The following PTPRD variants were observed in gnomAD, a reference collection of about 807,000 sequenced individuals.
PTPRD encodes protein tyrosine phosphatase receptor type D.
Under a neutral mutation model 214.5 loss-of-function variants are expected in PTPRD, and 34 were observed. That is an observed-to-expected ratio of 0.16 (90% CI 0.12 to 0.21). The LOEUF (loss-of-function observed/expected upper bound fraction) is 0.21. Ranked by LOEUF, PTPRD falls within the 10% of genes least tolerant of loss-of-function variation. The pLI, the probability that PTPRD is intolerant of heterozygous loss-of-function variation, is 1.00. For missense variants in PTPRD, 2,545 were observed against 2,398.7 expected, an observed-to-expected ratio of 1.06 and a Z score of -1.27; for synonymous variants, 1,128 against 845.7, an observed-to-expected ratio of 1.33 and a Z score of -5.79.
intron 5 of PTPRD, among the ~76,000 whole-genome samples, chr9:9,779,530 T>C (rs898790920): frequency 7.9e-5 from 12 of 151,920 alleles, no homozygotes; most frequent in Admixed American, 7.9e-4. Flanking sequence ...TAACTTTATT[T>C]AAAAAAATGG....
chr9:10,304,969 G>A (rs541682291), intron 3 of PTPRD, among the ~76,000 whole-genome samples: 6 of 152,092 alleles, frequency 3.9e-5, no homozygotes, highest in East Asian at 1.9e-4. Context: ...TAAGCAAAGA[G>A]AACAAAGCTG....
intron 24 of PTPRD, among the ~76,000 whole-genome samples, 196 bp downstream of exon 24, chr9:8,500,558 G>GAAAAAAAAAAAAAAAAAAAAAAAA (rs146807692): frequency 2.1e-4 from 3 of 14,308 alleles, no homozygotes; most frequent in African/African-American, 3.1e-4. Context: ...TGAAAAAAAT[G>GAAAAAAAAAAAAAAAAAAAAAAAA]AAAAAAAAAA....
chr9:8,345,291 A>G (rs1856511233), intron 39 of PTPRD, among the ~76,000 whole-genome samples: 4 of 152,056 alleles, frequency 2.6e-5, no homozygotes, highest in Admixed American at 2.6e-4. Flanking sequence ...GAAGTCCTAC[A>G]GTCATGCACG....
intron 12 of PTPRD, among the ~76,000 whole-genome samples, chr9:8,681,789 A>C (rs1264541451): frequency 1.3e-5 from 2 of 152,224 alleles, no homozygotes; most frequent in Non-Finnish European, 2.9e-5. Flanking sequence ...TATTGTTTCT[A>C]GCAAACTACT....
At chr9:9,170,155 C>G (rs1316514806) in intron 10 of PTPRD, among the ~76,000 whole-genome samples, 1 of 152,088 alleles carries the variant, frequency 6.6e-6, no homozygotes, top group African/African-American at 2.4e-5. Context: ...AAAATTGGAT[C>G]AAAGGATGTG....
chr9:9,214,395 T>A (rs1433046605), intron 9 of PTPRD, among the ~76,000 whole-genome samples: 3 of 152,212 alleles, frequency 2.0e-5, no homozygotes, highest in Non-Finnish European at 4.4e-5. Context: ...ACAGGCTGAA[T>A]TTGTTTTAGT....
chr9:10,148,128 T>C (rs1360756445), intron 3 of PTPRD, among the ~76,000 whole-genome samples: 3 of 152,182 alleles, frequency 2.0e-5, no homozygotes, highest in African/African-American at 4.8e-5. Context: ...TACATGGCTA[T>C]GAGACAGCTA....
Position 8,961,120 on chromosome 9 carries a change from A to G in PTPRD, c.-104+57577T>C, listed in dbSNP as rs974046811. Among the ~76,000 whole-genome samples, 9 of 152,096 alleles carry G rather than the reference A, an allele frequency of 5.9e-5. 1 individual carries two copies. The highest frequency in any genetic ancestry group is 2.2e-4 in the African/African-American group (9 of 41,424). On this transcript the variant is annotated intron_variant, in intron 11 of 45. Transcript: ENST00000381196. ...ACATGCATAAGGTTCAGTAAAATCCAAAGTGGAAGGAACACCTAAGTTGCC... is the reference window on the plus strand; with the variant it reads ...ACATGCATAAGGTTCAGTAAAATCCGAAGTGGAAGGAACACCTAAGTTGCC...
rs1219948023 is a variant in PTPRD, at chr9:9,874,681, C to G, written c.-368+63826G>C. On this transcript the variant is annotated intron_variant, in intron 5 of 45. Coordinates refer to ENST00000381196, the MANE Select transcript of PTPRD (RefSeq NM_002839.4). ...TTCTATCAAGCAATATGTTCACAGT[C>G]CTCCAGTCAAACATTAAATGATTTA... Among the ~76,000 whole-genome samples, 5 of 152,116 alleles carry G rather than the reference C, an allele frequency of 3.3e-5. No homozygotes were observed. The East Asian group carries it at 9.6e-4, about 29-fold the overall frequency.
intron 4 of PTPRD, among the ~76,000 whole-genome samples, chr9:9,992,469 T>C (rs2095975070): frequency 6.6e-6 from 1 of 152,202 alleles, no homozygotes; most frequent in African/African-American, 2.4e-5. Flanking sequence ...CAGAGGATTA[T>C]AAATCATGCT....
chr9:9,045,686 C>G (rs1267605487), intron 10 of PTPRD, among the ~76,000 whole-genome samples: 1 of 152,162 alleles, frequency 6.6e-6, no homozygotes, highest in East Asian at 1.9e-4. Flanking sequence ...AAATTCTCCT[C>G]TCAGACTGTT....
At chr9:9,945,171 G>T (rs2092371777) in intron 4 of PTPRD, among the ~76,000 whole-genome samples, 1 of 152,092 alleles carries the variant, frequency 6.6e-6, no homozygotes, top group Non-Finnish European at 1.5e-5. Flanking sequence ...GGCTTGGATG[G>T]GATTATTAGG....
chr9:9,515,471 T>C (rs1408067270), intron 8 of PTPRD, among the ~76,000 whole-genome samples: 2 of 152,094 alleles, frequency 1.3e-5, no homozygotes, highest in South Asian at 4.1e-4. Flanking sequence ...AAATGAATTA[T>C]GAGGAAGAAA....
At chr9:8,636,986 T>C in intron 12 of PTPRD, 142 bp from the exon 13 acceptor site, 2 of 796,538 alleles carry the variant, frequency 2.5e-6, no homozygotes, top group Non-Finnish European at 3.7e-6. Flanking sequence ...ATTACAAAAT[T>C]AGAAAAGCAT....
At chr9:9,522,352 A>T (rs2097000992) in intron 8 of PTPRD, among the ~76,000 whole-genome samples, 1 of 152,124 alleles carries the variant, frequency 6.6e-6, no homozygotes, top group Admixed American at 6.6e-5. Context: ...AAGGGCACAT[A>T]TGTTGTAGAG....
chr9:8,834,205 T>C (rs1229167325), intron 11 of PTPRD, among the ~76,000 whole-genome samples: 1 of 152,112 alleles, frequency 6.6e-6, no homozygotes, highest in Non-Finnish European at 1.5e-5. Context: ...GCCTGTTTTT[T>C]TCCATGATAT....
intron 9 of PTPRD, among the ~76,000 whole-genome samples, chr9:9,209,239 T>C (rs1208719731): frequency 6.6e-6 from 1 of 152,162 alleles, no homozygotes; most frequent in East Asian, 1.9e-4. Flanking sequence ...GAAATATATA[T>C]TAAAAGACAC....
intron 3 of PTPRD, among the ~76,000 whole-genome samples, chr9:10,086,388 G>C (rs983410909): frequency 1.3e-5 from 2 of 151,564 alleles, no homozygotes; most frequent in African/African-American, 4.8e-5. Flanking sequence ...CACTGTGATT[G>C]CTACTGAAGG....
At chr9:9,747,532 C>G (rs2098470023) in intron 6 of PTPRD, among the ~76,000 whole-genome samples, 1 of 104,580 alleles carries the variant, frequency 9.6e-6, no homozygotes, top group African/African-American at 4.0e-5. Context: ...GTGACTGAAT[C>G]TTTTTTGTTT....
Sources: allele counts gnomAD v4.1 joint callset (sites outside exome capture counted in the v4.1 genomes callset), GRCh38; gene constraint gnomAD v4.1.1; transcripts MANE v1.5; gene names NCBI Gene and HGNC (gene_info 2026-07-23, HGNC 2026-07-21).